The following EYS variants were observed in gnomAD, a reference collection of about 807,000 sequenced individuals.
EYS encodes the protein protein eyes shut homolog.
EYS carries 250 observed loss-of-function variants against 282.1 expected under a neutral mutation model. The observed-to-expected ratio is 0.89, with a 90% CI of 0.80 to 0.98. The LOEUF (loss-of-function observed/expected upper bound fraction) is 0.98. Among genes scored for constraint, EYS ranks in the 50% least tolerant of loss-of-function variants. The pLI, the probability that EYS is intolerant of heterozygous loss-of-function variation, is 0.00. For missense variants in EYS, 4,016 were observed against 3,709.0 expected, an observed-to-expected ratio of 1.08 and a Z score of -2.15; for synonymous variants, 1,355 against 1,282.9, an observed-to-expected ratio of 1.06 and a Z score of -1.20.
chr6:64,680,268 G>GTTTC (rs1453572447), intron 22 of EYS, among the ~76,000 whole-genome samples: 3 of 152,196 alleles, frequency 2.0e-5, no homozygotes, highest in Non-Finnish European at 4.4e-5. Flanking sequence ...GCCAGCATGA[G>GTTTC]CTTCCCTGCT....
At chr6:64,709,657 T>G (rs905524950) in intron 22 of EYS, among the ~76,000 whole-genome samples, 3 of 152,206 alleles carry the variant, frequency 2.0e-5, no homozygotes, top group African/African-American at 4.8e-5. Flanking sequence ...TATAGTCCAT[T>G]AAAATTCAAG....
chr6:65,500,500 G>C (rs1351750999), intron 2 of EYS, among the ~76,000 whole-genome samples: 2 of 151,890 alleles, frequency 1.3e-5, no homozygotes, highest in Non-Finnish European at 2.9e-5. Context: ...GATTTGAGTG[G>C]TATGGTGGGA....
chr6:64,573,930 A>G (rs1309692809), intron 26 of EYS, among the ~76,000 whole-genome samples: 1 of 151,944 alleles, frequency 6.6e-6, no homozygotes, highest in African/African-American at 2.4e-5. Flanking sequence ...TACTGGTTAT[A>G]TACTCAAAGG....
intron 28 of EYS, among the ~76,000 whole-genome samples, chr6:64,421,858 GGGGTGTGTGTGTGTGTGT>G (rs746465570): frequency 8.0e-4 from 42 of 52,762 alleles, no homozygotes; most frequent in East Asian, 2.5e-3. Context: ...TTTTGTTTGG[GGGGTGTGTGTGTGTGTGT>G]GTGTGTGTGT....
chr6:65,513,616 G>A (rs1341325633), intron 2 of EYS, among the ~76,000 whole-genome samples: 6 of 152,096 alleles, frequency 3.9e-5, no homozygotes, highest in African/African-American at 1.2e-4. Context: ...TTCATCCCTG[G>A]GATGCAAGGC....
At chr6:64,390,016 GGC>G (rs1773057985) in intron 28 of EYS, among the ~76,000 whole-genome samples, 1 of 149,912 alleles carries the variant, frequency 6.7e-6, no homozygotes, top group Non-Finnish European at 1.5e-5. Flanking sequence ...GGTGATGGAT[GGC>G]ACCTGGAAAA....
At chr6:63,951,691 C>T (rs868714171) in intron 35 of EYS, among the ~76,000 whole-genome samples, 14 of 152,236 alleles carry the variant, frequency 9.2e-5, no homozygotes, top group South Asian at 2.1e-4. Flanking sequence ...TTTTGTTCCA[C>T]GACTAGCCCT....
intron 12 of EYS, among the ~76,000 whole-genome samples, chr6:65,145,954 ATAATT>A (rs1203961876): frequency 2.0e-5 from 3 of 151,878 alleles, no homozygotes; most frequent in African/African-American, 7.2e-5. Flanking sequence ...TCCATTAAGT[ATAATT>A]TAATTTATAT....
rs1044727127 is a variant in EYS at position 64,740,834 on chromosome 6, C to T, written c.3443+72544G>A. On this transcript the variant is annotated intron_variant, in intron 22 of 42. Transcript: ENST00000503581. ...GTTCACACCATTCTCCTGCCTCAGCCTCCTGAGTAGCTGGGACTACAGGCG... is the reference window on the plus strand; with the variant it reads ...GTTCACACCATTCTCCTGCCTCAGCTTCCTGAGTAGCTGGGACTACAGGCG... Among the ~76,000 whole-genome samples, 4 of 151,954 alleles carry T rather than the reference C, an allele frequency of 2.6e-5. No homozygotes were observed. The South Asian group carries it at 8.3e-4, about 31-fold the overall frequency.
chr6:65,528,286 A>C (rs2127305207), intron 2 of EYS, among the ~76,000 whole-genome samples: 1 of 152,344 alleles, frequency 6.6e-6, no homozygotes, highest in Non-Finnish European at 1.5e-5. Flanking sequence ...TCACTGAAAT[A>C]GAATTGATAA....
rs1219965090 is a variant in EYS, at chr6:64,033,846, C to CTA, written c.6725+32490_6725+32491dup. Among the ~76,000 whole-genome samples, 296 of 140,330 alleles carry CTA rather than the reference C, an allele frequency of 2.1e-3. 3 individuals carry two copies. The highest frequency in any genetic ancestry group is 0.014 in the Admixed American group (195 of 14,080). 92.1% of individuals were successfully genotyped at this position (140,330 alleles called of 152,430 possible). A position where few individuals can be genotyped will look rare whatever the true frequency, so the allele number is the denominator to read the frequency against. On this transcript the variant is annotated intron_variant, in intron 33 of 42. Coordinates refer to ENST00000503581, the MANE Select transcript of EYS (RefSeq NM_001142800.2). The stretch of plus-strand genomic sequence containing the variant: ...GAGATTACTCTCTCTCTCTCTCTCT[C>CTA]TATATATATATATATAAAATTGGGA...
chr6:64,499,473 G>C (rs958241038), intron 26 of EYS, among the ~76,000 whole-genome samples: 4 of 152,130 alleles, frequency 2.6e-5, no homozygotes, highest in Non-Finnish European at 4.4e-5. Context: ...TAGACTTTTG[G>C]AGTCTTGCTG....
chr6:65,623,022 T>C (rs1180877571), intron 2 of EYS, among the ~76,000 whole-genome samples: 6 of 152,196 alleles, frequency 3.9e-5, no homozygotes, highest in Non-Finnish European at 8.8e-5. Flanking sequence ...ACTCCCAAAG[T>C]ACTGAGATTG....
Position 64,543,249 on chromosome 6 carries a change from T to G in EYS, c.5644+46974A>C, listed in dbSNP as rs530330105. On this transcript the variant is annotated intron_variant, in intron 26 of 42. Coordinates refer to ENST00000503581, the MANE Select transcript of EYS (RefSeq NM_001142800.2). ...TCCCCTTTGACTGCTTAGGATAATC[T>G]AAATCACCAGAGATTAGAAAAGAAT... Among the ~76,000 whole-genome samples, 24 of 152,242 alleles carry G rather than the reference T, an allele frequency of 1.6e-4. No homozygotes were observed. In the East Asian group the frequency reaches 4.4e-3, roughly 28 times the overall value.
intron 2 of EYS, among the ~76,000 whole-genome samples, chr6:65,612,989 AAAG>A (rs1384610036): frequency 6.6e-6 from 1 of 151,834 alleles, no homozygotes; most frequent in Admixed American, 6.6e-5. Flanking sequence ...ATAAATATAT[AAAG>A]AAAATAACAA....
intron 1 of EYS, among the ~76,000 whole-genome samples, chr6:65,668,893 C>A (rs900519238): frequency 9.2e-5 from 14 of 151,846 alleles, no homozygotes; most frequent in South Asian, 4.1e-4. Flanking sequence ...TGATTAGTCT[C>A]ACTAAAGGGT....
chr6:64,860,197 T>C (rs1317176593), intron 19 of EYS, among the ~76,000 whole-genome samples: 1 of 152,250 alleles, frequency 6.6e-6, no homozygotes, highest in Non-Finnish European at 1.5e-5. Context: ...TTTACACTAA[T>C]CCAAGTGCTA....
At chr6:64,154,198 T>C (rs1329618498) in intron 31 of EYS, among the ~76,000 whole-genome samples, 1 of 152,172 alleles carries the variant, frequency 6.6e-6, no homozygotes. Context: ...CCCAGCACTT[T>C]GGGATGCCAA....
chr6:64,526,843 G>T (rs1777933737), intron 26 of EYS, among the ~76,000 whole-genome samples: 1 of 151,704 alleles, frequency 6.6e-6, no homozygotes, highest in East Asian at 1.9e-4. Flanking sequence ...AGACTTATGT[G>T]CCACTATTTA....
Sources: allele counts gnomAD v4.1 joint callset (sites outside exome capture counted in the v4.1 genomes callset), GRCh38; gene constraint gnomAD v4.1.1; transcripts MANE v1.5; gene names NCBI Gene and HGNC (gene_info 2026-07-23, HGNC 2026-07-21).